The following ZC3H14 variants were observed in gnomAD, a reference collection of about 807,000 sequenced individuals.
ZC3H14 encodes zinc finger CCCH-type containing 14.
In ZC3H14, 31 loss-of-function variants were observed where a neutral mutation model predicts 92.4. The observed-to-expected ratio is 0.34, with a 90% CI of 0.25 to 0.45. The LOEUF is 0.45. ZC3H14 is among the 20% of genes least tolerant of loss of function. The pLI, the probability that ZC3H14 is intolerant of heterozygous loss-of-function variation, is 1.00. For synonymous variants in ZC3H14, 321 were observed against 300.9 expected (o/e 1.07, Z -0.69); for missense variants, 781 against 897.3 (o/e 0.87, Z 1.66).
chr14:88,616,187 G>A lies in ZC3H14; in HGVS notation c.*4436G>A. The A allele has an allele frequency of 1.2e-6, 2 of 1,613,922 alleles. No individual in the cohort carries two copies. The highest frequency in any genetic ancestry group is 1.7e-6 in the Non-Finnish European group (2 of 1,179,838). On this transcript the variant is annotated 3_prime_UTR_variant, in exon 17 of 17. Coordinates refer to ENST00000251038, the MANE Select transcript of ZC3H14 (RefSeq NM_024824.5). ...ACTAACAACATGTCGATCACCACTGGTAAATCGAATATTTGTCACATGGGG... is the reference window on the plus strand; with the variant it reads ...ACTAACAACATGTCGATCACCACTGATAAATCGAATATTTGTCACATGGGG...
chr14:88,614,582 A>G lies in ZC3H14; in HGVS notation c.*2831A>G, dbSNP rs2087303944. ...AACACATTAAAAACTCATAGGGTCA[A>G]TACAGCATCTTAAACCTCACACTTA... is the stretch of plus-strand genomic sequence containing the variant. On this transcript the variant is annotated 3_prime_UTR_variant, in exon 17 of 17. Transcript: ENST00000251038. 2.0e-5 allele frequency: 3 copies of G among 152,350 alleles called. No homozygotes were observed. Among genetic ancestry groups the G allele is most frequent in the South Asian group, 2.1e-4 (1 of 4,828 alleles). The allele number at this position is 152,350 out of a possible 1,614,324, so 9.4% of individuals were successfully genotyped here. A position where few individuals can be genotyped will look rare whatever the true frequency, so the allele number is the denominator to read the frequency against.
Position 88,603,966 on chromosome 14 carries a change from G to A in ZC3H14, c.1747+906G>A, listed in dbSNP as rs539336412. Among the ~76,000 whole-genome samples, 5 of 152,294 alleles carry A rather than the reference G, an allele frequency of 3.3e-5. No homozygotes were observed. In the South Asian group the frequency reaches 6.2e-4, roughly 19 times the overall value. On this transcript the variant is annotated intron_variant, in intron 12 of 16. Transcript: ENST00000251038. Reference sequence around the variant, plus strand: ...GCGTTTCCTACTGTGAATCAATGACGTAGTGTCGTGGTTTTGATTAGTGGA... The same window carrying A: ...GCGTTTCCTACTGTGAATCAATGACATAGTGTCGTGGTTTTGATTAGTGGA...
At chr14:88,609,638 A>G in intron 14 of ZC3H14, 74 bp from the exon 15 acceptor site, 1 of 1,559,484 alleles carries the variant, frequency 6.4e-7, no homozygotes, top group Non-Finnish European at 8.8e-7. Context: ...CTTTCAAAAA[A>G]AACATCAGTA....
rs2087724074 is a variant in ZC3H14 at position 88,616,964 on chromosome 14, C to CT, written c.*5214dup. 2.4e-6 allele frequency: 3 copies of CT among 1,271,954 alleles called. No homozygotes were observed. Among genetic ancestry groups the CT allele is most frequent in the East Asian group, 2.3e-5 (1 of 42,902 alleles). The allele number at this position is 1,271,954 out of a possible 1,614,324, so 78.8% of individuals were successfully genotyped here. A position where few individuals can be genotyped will look rare whatever the true frequency, so the allele number is the denominator to read the frequency against. On this transcript the variant is annotated 3_prime_UTR_variant, in exon 17 of 17. Transcript: ENST00000251038. Reference sequence around the variant, plus strand: ...CAAAAAGTTTCTTGGCAATTAATCTCTAAGTACCCTATCATGTTACTTAAA... The same window carrying CT: ...CAAAAAGTTTCTTGGCAATTAATCTCTTAAGTACCCTATCATGTTACTTAAA...
intron 6 of ZC3H14, 48 bp from the exon 7 acceptor site, chr14:88,574,645 C>CT: frequency 6.2e-7 from 1 of 1,608,020 alleles, no homozygotes; most frequent in Non-Finnish European, 8.5e-7. Context: ...TGGTAGAACT[C>CT]TTGTTATTTT....
In ZC3H14 at chr14:88,574,959, C is replaced by T. The variant is rs963739822; in HGVS notation, c.1022+106C>T. The T allele has an allele frequency of 1.3e-5, 20 of 1,523,498 alleles. No individual in the cohort carries two copies. The Middle Eastern group carries it at 5.3e-4, about 40-fold the overall frequency. The allele number at this position is 1,523,498 out of a possible 1,614,324, so 94.4% of individuals were successfully genotyped here. On this transcript the variant is annotated intron_variant, in intron 7 of 16. Coordinates refer to ENST00000251038, the MANE Select transcript of ZC3H14 (RefSeq NM_024824.5). ...AATAATTTTTGTTTGTTTTTTGAGA[C>T]GGAGTCTCGCTCTGTCAACCAGGCT...
chr14:88,591,066 G>T (rs2083064342), intron 9 of ZC3H14: 1 of 152,116 alleles, frequency 6.6e-6, no homozygotes, highest in South Asian at 2.1e-4. Flanking sequence ...TTGTACAGTA[G>T]CCATTTTTAA....
intron 9 of ZC3H14, among the ~76,000 whole-genome samples, chr14:88,593,886 G>A (rs540456578): frequency 1.2e-5 from 1 of 80,528 alleles, no homozygotes; most frequent in Admixed American, 1.8e-4. Flanking sequence ...TGTTTCAAAA[G>A]ATACTATCAA....
intron 9 of ZC3H14, among the ~76,000 whole-genome samples, chr14:88,580,273 C>T (rs982624644): frequency 3.9e-5 from 6 of 152,122 alleles, no homozygotes; most frequent in Non-Finnish European, 7.3e-5. Flanking sequence ...CCATTGCCAT[C>T]TAGTTTGGGC....
At position 88,602,859 on chromosome 14, in the gene ZC3H14, C is replaced by T. The variant is rs1432299429; in HGVS notation, c.1546C>T (p.Pro516Ser). The T allele has an allele frequency of 6.2e-7, 1 of 1,613,998 alleles. No homozygotes were observed. The highest frequency in any genetic ancestry group is 2.2e-5 in the East Asian group (1 of 44,882). Residue 516 changes from proline to serine, a missense_variant, in exon 12 of 17, where the codon CCC (proline) becomes TCC (serine). By Grantham distance (74) the Pro-to-Ser change is moderately conservative (BLOSUM62 -1). Coordinates refer to ENST00000251038, the MANE Select transcript of ZC3H14 (RefSeq NM_024824.5). The part of the protein sequence containing the change: ...DLVQPDKPAS[P>S]KFIVTLDGVP... ...TGTACAACCAGATAAACCTGCAAGT[C>T]CCAAGTTTATAGTGACGCTGGATGG...
intron 8 of ZC3H14, among the ~76,000 whole-genome samples, chr14:88,577,480 A>G (rs1192596334): frequency 6.6e-6 from 1 of 152,194 alleles, no homozygotes; most frequent in African/African-American, 2.4e-5. Context: ...TGTTTGGATA[A>G]ATAGGTTCAG....
intron 10 of ZC3H14, among the ~76,000 whole-genome samples, chr14:88,597,755 C>T (rs1023120470): frequency 3.3e-5 from 5 of 152,228 alleles, no homozygotes; most frequent in Non-Finnish European, 5.9e-5. Flanking sequence ...CCTGCTTCCT[C>T]CACAGGAGTA....
chr14:88,626,516 A>G lies in ZC3H14; in HGVS notation c.*14765A>G, dbSNP rs569668001. Reference sequence around the variant, plus strand: ...TTCCTGCCCTGTAGTCCCAGCTACTAAGGAGGCTGAGGATCACTTGAACCT... The same window carrying G: ...TTCCTGCCCTGTAGTCCCAGCTACTGAGGAGGCTGAGGATCACTTGAACCT... On this transcript the variant is annotated 3_prime_UTR_variant, in exon 17 of 17. Transcript: ENST00000251038. 5 of 264,910 alleles carry G rather than the reference A, an allele frequency of 1.9e-5. No individual in the cohort carries two copies. In the East Asian group the frequency reaches 4.1e-4, roughly 22 times the overall value. The allele number at this position is 264,910 out of a possible 1,614,324, so 16.4% of individuals were successfully genotyped here.
chr14:88,594,539 A>C, intron 9 of ZC3H14: 1 of 1,435,296 alleles, frequency 7.0e-7, no homozygotes, highest in Non-Finnish European at 9.1e-7. Context: ...CTGACTCTAG[A>C]AATGTACAAC....
In ZC3H14 at chr14:88,618,165, A is replaced by G; in HGVS notation, c.*6414A>G. 7.1e-7 allele frequency: 1 copy of G among 1,411,634 alleles called. No homozygotes were observed. Among genetic ancestry groups the G allele is most frequent in the Non-Finnish European group, 9.9e-7 (1 of 1,006,890 alleles). 87.4% of individuals were successfully genotyped at this position (1,411,634 alleles called of 1,614,324 possible). A position where few individuals can be genotyped will look rare whatever the true frequency, so the allele number is the denominator to read the frequency against. On this transcript the variant is annotated 3_prime_UTR_variant, in exon 17 of 17. Transcript: ENST00000251038. ...TATTGGAATGGCTCTAACAGTTCAG[A>G]AATAGGATTTTCTAACTGGCCTTCA...
chr14:88,568,028 C>T lies in ZC3H14; in HGVS notation c.80-11C>T. 1 of 1,611,300 alleles carries T rather than the reference C, an allele frequency of 6.2e-7. No homozygotes were observed. Among genetic ancestry groups the T allele is most frequent in the Non-Finnish European group, 8.5e-7 (1 of 1,177,700 alleles). On this transcript the variant is annotated splice_polypyrimidine_tract_variant and intron_variant, in intron 2 of 16. Transcript: ENST00000251038. ...GAAACAAAGTTTTGATCTACCTTTC[C>T]TTTTAAATAGATGAAGAACTTCCTG...
Position 88,622,740 on chromosome 14 carries a change from A to C in ZC3H14, c.*10989A>C. The C allele has an allele frequency of 6.5e-7, 1 of 1,541,862 alleles. No homozygotes were observed. The highest frequency in any genetic ancestry group is 2.3e-5 in the East Asian group (1 of 42,820). ...TGACCTAAGTAAATAACCAAGCCAG[A>C]GTAAGTGTTCATTATTGGCTACTAT... On this transcript the variant is annotated 3_prime_UTR_variant, in exon 17 of 17. Coordinates refer to ENST00000251038, the MANE Select transcript of ZC3H14 (RefSeq NM_024824.5).
intron 8 of ZC3H14, 67 bp from the exon 9 acceptor site, chr14:88,577,918 T>A (rs2081374062): frequency 1.3e-6 from 2 of 1,589,410 alleles, no homozygotes; most frequent in Admixed American, 3.3e-5. Context: ...TAATATGACA[T>A]AGTCACTGTG....
Position 88,618,153 on chromosome 14 carries a change from C to A in ZC3H14, c.*6402C>A. 7.8e-7 allele frequency: 1 copy of A among 1,278,924 alleles called. No individual in the cohort carries two copies. The highest frequency in any genetic ancestry group is 1.2e-5 in the South Asian group (1 of 80,136). The allele number at this position is 1,278,924 out of a possible 1,614,324, so 79.2% of individuals were successfully genotyped here. On this transcript the variant is annotated 3_prime_UTR_variant, in exon 17 of 17. Transcript: ENST00000251038. ...ATTACTATTCCTTATTGGAATGGCT[C>A]TAACAGTTCAGAAATAGGATTTTCT...
Sources: allele counts gnomAD v4.1 joint callset (sites outside exome capture counted in the v4.1 genomes callset), GRCh38; gene constraint gnomAD v4.1.1; transcripts MANE v1.5; gene names NCBI Gene and HGNC (gene_info 2026-07-23, HGNC 2026-07-21).